ZNF75D: variants seen among roughly 807,000 people sequenced by gnomAD.
ZNF75D encodes the protein zinc finger protein 75.
Under a neutral mutation model 33.3 loss-of-function variants are expected in ZNF75D, and 33 were observed. The observed-to-expected ratio is 0.99, with a 90% confidence interval of 0.75 to 1.32. ZNF75D has a LOEUF of 1.32. Among genes scored for constraint, ZNF75D ranks in the 40% most tolerant of loss-of-function variants. The probability of loss-of-function intolerance (pLI) is 0.00; values close to 1 mark genes in which losing one functional copy is unlikely to be tolerated. For synonymous variants in ZNF75D, 113 were observed against 130.6 expected (o/e 0.87, Z 0.92); for missense variants, 338 against 367.5 (o/e 0.92, Z 0.66).
chrX:135,273,840 G>A (rs2083891053), intron 1 of ZNF75D, among the ~76,000 whole-genome samples: 1 of 112,057 alleles, frequency 8.9e-6, no homozygotes, highest in Non-Finnish European at 1.9e-5. Flanking sequence ...TGTTGAATGG[G>A]AAAATGGAAT....
intron 1 of ZNF75D, among the ~76,000 whole-genome samples, chrX:135,306,080 G>A (rs782792555): frequency 1.8e-5 from 2 of 111,018 alleles, no homozygotes; most frequent in Non-Finnish European, 3.8e-5. Flanking sequence ...TGTCAGATTC[G>A]CATCATTTCT....
intron 1 of ZNF75D, among the ~76,000 whole-genome samples, chrX:135,305,354 C>A (rs956840050): frequency 1.7e-4 from 19 of 111,673 alleles, no homozygotes; most frequent in Non-Finnish European, 3.4e-4. Context: ...TTTTAGGGAA[C>A]CCACATTTGA....
At chrX:135,318,611 AAATT>A (rs1219815117) in intron 1 of ZNF75D, among the ~76,000 whole-genome samples, 11 of 112,074 alleles carry the variant, frequency 9.8e-5, no homozygotes, top group Admixed American at 5.7e-4. Flanking sequence ...TTCATTAACA[AAATT>A]AATATTCATT....
intron 1 of ZNF75D, among the ~76,000 whole-genome samples, chrX:135,257,276 C>T (rs144802711): frequency 0.022 from 2,421 of 111,202 alleles, 25 homozygotes; most frequent in Non-Finnish European, 0.024. Flanking sequence ...CTGGGCCATA[C>T]GGGAGCCCAC....
Position 135,294,196 on chromosome X carries a change from C to A in ZNF75D, c.-56G>T. The A allele has an allele frequency of 9.6e-7, 1 of 1,037,351 alleles. No homozygotes were observed. Among genetic ancestry groups the A allele is most frequent in the Non-Finnish European group, 1.3e-6 (1 of 766,746 alleles). 85.5% of individuals were successfully genotyped at this position (1,037,351 alleles called of 1,213,427 possible). ...TGACACTGACACCCACCTGGTACCA[C>A]CTTTGACAAATCAGGGTGCATCAGG... On this transcript the variant is annotated 5_prime_UTR_variant, in exon 3 of 7. Transcript: ENST00000370766.
chrX:135,301,825 A>T (rs949543829), intron 1 of ZNF75D, among the ~76,000 whole-genome samples: 2 of 111,393 alleles, frequency 1.8e-5, no homozygotes, highest in Admixed American at 1.9e-4. Flanking sequence ...CCCAGCGGGG[A>T]CTCTGTATGG....
At chrX:135,262,008 T>C (rs200161782) in intron 1 of ZNF75D, among the ~76,000 whole-genome samples, 6 of 111,836 alleles carry the variant, frequency 5.4e-5, no homozygotes, top group African/African-American at 1.9e-4. Context: ...AATCTCTCAG[T>C]ATTTGCTTGT....
At chrX:135,307,568 G>T (rs2084304310) in intron 1 of ZNF75D, among the ~76,000 whole-genome samples, 1 of 111,341 alleles carries the variant, frequency 9.0e-6, no homozygotes, top group African/African-American at 3.3e-5. Flanking sequence ...ACTTGAAAGG[G>T]AATATGGCTT....
At chrX:135,325,484 C>T (rs73557218) in intron 1 of ZNF75D, among the ~76,000 whole-genome samples, 7,910 of 110,977 alleles carry the variant, frequency 0.071, 584 homozygotes, top group African/African-American at 0.21. Context: ...ACCAGGGCTG[C>T]GAGCGGGCTT....
intron 3 of ZNF75D, among the ~76,000 whole-genome samples, chrX:135,250,494 C>A (rs1478651589): frequency 9.3e-5 from 10 of 107,118 alleles, no homozygotes; most frequent in Non-Finnish European, 1.9e-4. Flanking sequence ...ACAGACAGTG[C>A]CAAAAAGATT....
chrX:135,309,512 T>G (rs1246714333), intron 1 of ZNF75D: 1 of 295,285 alleles, frequency 3.4e-6, no homozygotes, highest in Non-Finnish European at 5.9e-6. Flanking sequence ...CCAGTCCCAG[T>G]GAGCCTGCAC....
intron 1 of ZNF75D, among the ~76,000 whole-genome samples, chrX:135,256,275 C>G (rs1315523548): frequency 1.1e-5 from 1 of 89,047 alleles, no homozygotes; most frequent in Non-Finnish European, 2.2e-5. Flanking sequence ...AATGCTACCC[C>G]TCCTCCATCC....
At chrX:135,310,596 TGCAA>T (rs2084347863) in intron 1 of ZNF75D, among the ~76,000 whole-genome samples, 1 of 111,552 alleles carries the variant, frequency 9.0e-6, no homozygotes, top group Admixed American at 9.5e-5. Flanking sequence ...AAAATAAGCC[TGCAA>T]GCAGTCCTTC....
intron 1 of ZNF75D, among the ~76,000 whole-genome samples, chrX:135,341,074 T>C (rs1368157061): frequency 4.5e-5 from 5 of 111,796 alleles, no homozygotes; most frequent in African/African-American, 1.6e-4. Flanking sequence ...GAGAAACAGA[T>C]GGCAGTCTAC....
intron 1 of ZNF75D, among the ~76,000 whole-genome samples, chrX:135,319,604 T>C (rs782747721): frequency 8.9e-6 from 1 of 112,236 alleles, no homozygotes; most frequent in East Asian, 2.8e-4. Flanking sequence ...AGGCCACAAA[T>C]ACATTTTGAA....
At chrX:135,316,819 AT>A (rs1188865400) in intron 1 of ZNF75D, among the ~76,000 whole-genome samples, 5 of 108,030 alleles carry the variant, frequency 4.6e-5, no homozygotes, top group African/African-American at 1.3e-4. Context: ...CAGTTCCAGA[AT>A]TTTTTTTAAT....
downstream of ZNF75D, among the ~76,000 whole-genome samples, chrX:135,285,095 C>T (rs2083936245): frequency 9.0e-6 from 1 of 111,425 alleles, no homozygotes; most frequent in South Asian, 3.8e-4. Context: ...TCATAGTCTC[C>T]AAGCCTTTGG....
intron 1 of ZNF75D, among the ~76,000 whole-genome samples, chrX:135,259,210 C>A (rs2083826903): frequency 9.0e-6 from 1 of 111,712 alleles, no homozygotes; most frequent in African/African-American, 3.3e-5. Flanking sequence ...CTGTAGTACA[C>A]TTTGAAGTCA....
At chrX:135,307,188 C>CA (rs1277391455) in intron 1 of ZNF75D, among the ~76,000 whole-genome samples, 1 of 111,824 alleles carries the variant, frequency 8.9e-6, no homozygotes, top group Non-Finnish European at 1.9e-5. Context: ...CTTCCCACTG[C>CA]AAATTGTTTA....
Sources: gnomAD v4.1 joint callset for allele counts (sites outside exome capture counted in the v4.1 genomes callset) on GRCh38, gnomAD v4.1.1 for gene constraint, MANE v1.5 for transcripts, NCBI Gene and HGNC (gene_info 2026-07-23, HGNC 2026-07-21) for gene names.